Variants in SYNE2 observed in about 807,000 individuals in gnomAD.
SYNE2 encodes nesprin-2.
In SYNE2, 431 loss-of-function variants were observed where a neutral mutation model predicts 856.3. The observed-to-expected ratio is 0.50, with a 90% CI of 0.47 to 0.55. The LOEUF is 0.55. SYNE2 is among the 20% of genes least tolerant of loss of function. The pLI, the probability that SYNE2 is intolerant of heterozygous loss-of-function variation, is 0.00. For synonymous variants in SYNE2, 2,923 were observed against 2,872.3 expected, an observed-to-expected ratio of 1.02 and a Z score of -0.56; for missense variants, 8,129 against 8,023.2, an observed-to-expected ratio of 1.01 and a Z score of -0.50.
intron 76 of SYNE2, among the ~76,000 whole-genome samples, chr14:64,130,883 CAA>C (rs34083068): frequency 8.1e-4 from 81 of 99,484 alleles, no homozygotes; most frequent in African/African-American, 1.4e-3. Context: ...GACTCTATCT[CAA>C]AAAAAAAAAA....
intron 64 of SYNE2, among the ~76,000 whole-genome samples, chr14:64,107,166 A>G (rs2097777036): frequency 2.0e-5 from 3 of 152,148 alleles, no homozygotes; most frequent in Admixed American, 1.3e-4. Flanking sequence ...TGTAATTTAA[A>G]TTTTCATAAG....
rs2153473297 is a variant in SYNE2 at position 63,981,125 on chromosome 14, C to T, written c.1788C>T (p.Arg596=). 1 of 1,613,768 alleles carries T rather than the reference C, an allele frequency of 6.2e-7. No homozygotes were observed. Among genetic ancestry groups the T allele is most frequent in the Non-Finnish European group, 8.5e-7 (1 of 1,179,818 alleles). Reference sequence around the variant, plus strand: ...GGGCTACTTATGTGGAAAACCTTCGCTTACTAAGGGCTTGCTTTGAGGAGA... The same window carrying T: ...GGGCTACTTATGTGGAAAACCTTCGTTTACTAAGGGCTTGCTTTGAGGAGA... ...ACWATYVENL[R]LLRACFEETK... is the part of the protein sequence containing the mutation. The change falls in exon 16 of 116, where the codon CGC becomes CGT. Residue 596 remains arginine, a synonymous_variant. Coordinates refer to ENST00000555002, the MANE Select transcript of SYNE2 (RefSeq NM_182914.3).
chr14:63,773,592 C>T (rs999515325), intron 1 of SYNE2, among the ~76,000 whole-genome samples: 3 of 151,936 alleles, frequency 2.0e-5, no homozygotes, highest in Non-Finnish European at 2.9e-5. Flanking sequence ...ACTATGCTGC[C>T]CGTGCTAGAA....
chr14:63,782,149 C>A (rs61985717), intron 1 of SYNE2, among the ~76,000 whole-genome samples: 8 of 124,262 alleles, frequency 6.4e-5, no homozygotes, highest in Non-Finnish European at 1.1e-4. Context: ...AAAAAAAAAC[C>A]AAAAACAAAA....
intron 11 of SYNE2, among the ~76,000 whole-genome samples, chr14:63,974,595 G>A (rs1287515670): frequency 6.6e-6 from 1 of 151,546 alleles, no homozygotes; most frequent in Non-Finnish European, 1.5e-5. Context: ...GTCTCGCTCT[G>A]TTGCCCAGGC....
In SYNE2 at chr14:64,177,353, A is replaced by G. The variant is rs200387151; in HGVS notation, c.17431-5A>G. 4 of 1,614,196 alleles carry G rather than the reference A, an allele frequency of 2.5e-6. No individual in the cohort carries two copies. The highest frequency in any genetic ancestry group is 2.2e-5 in the East Asian group (1 of 44,872). On this transcript the variant is annotated splice_region_variant and splice_polypyrimidine_tract_variant and intron_variant, in intron 95 of 115. Coordinates refer to ENST00000555002, the MANE Select transcript of SYNE2 (RefSeq NM_182914.3). Reference sequence around the variant, plus strand: ...CTTACCAGTTTTAATCTTGTTTTCAAATAGACCTGGGACCAGTGTGAAAAG... The same window carrying G: ...CTTACCAGTTTTAATCTTGTTTTCAGATAGACCTGGGACCAGTGTGAAAAG...
chr14:63,787,561 T>C (rs1045445062), intron 1 of SYNE2, among the ~76,000 whole-genome samples: 9 of 152,312 alleles, frequency 5.9e-5, no homozygotes, highest in East Asian at 3.9e-4. Context: ...AGGAACTTCA[T>C]TGAGTGTTAG....
chr14:63,836,391 G>A (rs1889861038), intron 1 of SYNE2, among the ~76,000 whole-genome samples: 1 of 152,072 alleles, frequency 6.6e-6, no homozygotes, highest in Non-Finnish European at 1.5e-5. Context: ...ATAGAAAAGT[G>A]CAGACAACAA....
chr14:64,169,598 C>A (rs982488016), intron 93 of SYNE2, among the ~76,000 whole-genome samples: 6 of 152,344 alleles, frequency 3.9e-5, no homozygotes, highest in South Asian at 4.1e-4. Flanking sequence ...TTCCACATCA[C>A]CACCCATACA....
At position 63,994,275 on chromosome 14, in the gene SYNE2, A is replaced by G. The variant is rs749160995; in HGVS notation, c.2781+306A>G. Among the ~76,000 whole-genome samples the G allele has an allele frequency of 5.9e-5, 9 of 152,246 alleles. 1 individual carries two copies. Among genetic ancestry groups the G allele is most frequent in the South Asian group, 4.1e-4 (2 of 4,834 alleles). ...ATTGATGCAAGGATTTATAGAAAGC[A>G]TCTACCACTGAGATTATGTTCTGGT... On this transcript the variant is annotated intron_variant, in intron 22 of 115. Coordinates refer to ENST00000555002, the MANE Select transcript of SYNE2 (RefSeq NM_182914.3).
At position 63,941,782 on chromosome 14, in the gene SYNE2, C is replaced by A. The variant is rs1230990181; in HGVS notation, c.229C>A (p.Gln77Lys). 36 of 1,613,940 alleles carry A rather than the reference C, an allele frequency of 2.2e-5. No homozygotes were observed. Among genetic ancestry groups the A allele is most frequent in the Non-Finnish European group, 3.1e-5 (36 of 1,179,888 alleles). ...GGATCTGCTAGAAGTACTTTCTGGG[C>A]AACAGTTGGTAAGATTTTTAAATGA... ...LLDLLEVLSG[Q>K]QLPRDKGSNT... The change falls in exon 4 of 116, where the codon CAA becomes AAA. Residue 77 changes from glutamine (Q) to lysine (K), a missense_variant. Physicochemically the swap from Gln to Lys is moderately conservative, Grantham distance 53. Transcript: ENST00000555002.
intron 69 of SYNE2, 28 bp from the exon 70 acceptor site, chr14:64,122,258 C>T (rs1271479513): frequency 6.2e-7 from 1 of 1,614,086 alleles, no homozygotes; most frequent in Admixed American, 1.7e-5. Context: ...GTTGATTATT[C>T]TCTTCACCTT....
intron 1 of SYNE2, among the ~76,000 whole-genome samples, chr14:63,884,833 G>C (rs2094945364): frequency 4.6e-5 from 7 of 151,932 alleles, no homozygotes; most frequent in Admixed American, 4.6e-4. Flanking sequence ...GTAGAGATGG[G>C]GTTTCACCGG....
chr14:64,212,724 G>A (rs2098647617), intron 104 of SYNE2, 87 bp from the exon 105 acceptor site: 3 of 1,215,014 alleles, frequency 2.5e-6, no homozygotes, highest in South Asian at 1.2e-5. Flanking sequence ...ACATTTGGAT[G>A]CTTTTCTATG....
rs143789075 is a variant in SYNE2, at chr14:64,138,912, T to TTGTGTGTGTG, written c.14843+947_14843+956dup. The stretch of plus-strand genomic sequence containing the variant: ...GTTATACAGCTTATACAAATGCTGG[T>TTGTGTGTGTG]TGTGTGTGTGTGTGTGTGTGTGTGT... On this transcript the variant is annotated intron_variant, in intron 79 of 115. Transcript: ENST00000555002. 4.7e-3 allele frequency among the ~76,000 whole-genome samples: 673 copies of TTGTGTGTGTG among 144,276 alleles called. 12 individuals are homozygous for TTGTGTGTGTG. The East Asian group carries it at 0.049, about 10-fold the overall frequency. The allele number at this position is 144,276 out of a possible 152,430, so 94.7% of individuals were successfully genotyped here.
chr14:63,937,650 A>G (rs972442537), intron 2 of SYNE2, among the ~76,000 whole-genome samples: 7 of 152,308 alleles, frequency 4.6e-5, no homozygotes, highest in Non-Finnish European at 8.8e-5. Context: ...AGAGGGCCAT[A>G]TAGTGTGAGA....
chr14:63,969,498 C>T (rs369677120), intron 11 of SYNE2, among the ~76,000 whole-genome samples: 6 of 151,710 alleles, frequency 4.0e-5, no homozygotes, highest in African/African-American at 7.3e-5. Context: ...CATCCCACCA[C>T]GCCCAGCTAA....
intron 99 of SYNE2, among the ~76,000 whole-genome samples, chr14:64,196,130 C>G (rs2098539637): frequency 6.6e-6 from 1 of 152,170 alleles, no homozygotes; most frequent in South Asian, 2.1e-4. Flanking sequence ...TTAGATGCAG[C>G]ATTTTGGGAG....
At chr14:64,078,754 T>C in intron 55 of SYNE2, 148 bp downstream of exon 55, 2 of 1,006,690 alleles carry the variant, frequency 2.0e-6, no homozygotes, top group Middle Eastern at 4.2e-4. Flanking sequence ...CTAGAGAGGC[T>C]TGATAGGGAA....
Sources: gnomAD v4.1 joint callset for allele counts (sites outside exome capture counted in the v4.1 genomes callset) on GRCh38, gnomAD v4.1.1 for gene constraint, MANE v1.5 for transcripts, NCBI Gene and HGNC (gene_info 2026-07-23, HGNC 2026-07-21) for gene names.